Variants in POLR2F observed in about 807,000 individuals in gnomAD.
POLR2F encodes DNA-directed RNA polymerases I, II, and III subunit RPABC2.
Under a neutral mutation model 22.7 loss-of-function variants are expected in POLR2F, and 12 were observed. The ratio of observed to expected loss-of-function variants is 0.53; its 90% CI spans 0.34 to 0.86. POLR2F has a LOEUF of 0.86. Among genes scored for constraint, POLR2F ranks in the 40% least tolerant of loss-of-function variants. POLR2F has a pLI of 0.02. For synonymous variants in POLR2F, 57 were observed against 66.0 expected, an observed-to-expected ratio of 0.86 and a Z score of 0.66; for missense variants, 126 against 171.5, an observed-to-expected ratio of 0.73 and a Z score of 1.48.
At chr22:38,002,274 A>C (rs1278264726) in intron 1 of POLR2F, among the ~76,000 whole-genome samples, 1 of 152,196 alleles carries the variant, frequency 6.6e-6, no homozygotes, top group East Asian at 1.9e-4. Context: ...AAAGTATACA[A>C]AAATAGCAAC....
At chr22:38,006,666 T>C (rs2084824190) in intron 1 of POLR2F, among the ~76,000 whole-genome samples, 1 of 152,166 alleles carries the variant, frequency 6.6e-6, no homozygotes, top group South Asian at 2.1e-4. Flanking sequence ...CCTGGTCCAT[T>C]GCTCCCACAG....
downstream of POLR2F, among the ~76,000 whole-genome samples, chr22:37,971,532 T>C (rs1366116379): frequency 3.9e-5 from 6 of 152,166 alleles, no homozygotes; most frequent in Non-Finnish European, 7.4e-5. Flanking sequence ...TTTGGACTTC[T>C]GCTGAGGAAA....
chr22:38,026,446 G>T, exon 3 of POLR2F: 1 of 411,282 alleles, frequency 2.4e-6, no homozygotes, highest in Non-Finnish European at 5.1e-6. Context: ...AACACCAGGG[G>T]CTGGTCTTCA....
intron 1 of POLR2F, among the ~76,000 whole-genome samples, chr22:38,009,599 ACT>A (rs1352995090): frequency 1.2e-4 from 19 of 152,060 alleles, no homozygotes; most frequent in African/African-American, 4.6e-4. Flanking sequence ...CACACATGAA[ACT>A]CTATCACCAC....
Position 37,978,316 on chromosome 22 carries a change from G to A in POLR2F, c.293+11146G>A, listed in dbSNP as rs566335070. On this transcript the variant is annotated intron_variant, in intron 4 of 4. Coordinates refer to the POLR2F transcript ENST00000405557. The surrounding 1 kb of genome is among the most constrained non-coding windows in gnomAD (Gnocchi z 5.0). ...ATGATTTGTGGACTGAGAGATGTGA[G>A]GCCCAAGGAATAACAGCCTCAGAGG... 2.6e-5 allele frequency among the ~76,000 whole-genome samples: 4 copies of A among 152,338 alleles called. No individual in the cohort carries two copies. Among genetic ancestry groups the A allele is most frequent in the African/African-American group, 9.6e-5 (4 of 41,580 alleles).
At chr22:38,035,556 A>C (rs1432567088) in intron 5 of POLR2F, among the ~76,000 whole-genome samples, 2 of 152,032 alleles carry the variant, frequency 1.3e-5, no homozygotes, top group Non-Finnish European at 2.9e-5. Flanking sequence ...GGGGCCATGC[A>C]GCCTCCCTCT....
At position 37,999,785 on chromosome 22, in the gene POLR2F, A is replaced by T. The variant is rs150107161; in HGVS notation, c.120+13473A>T. Among the ~76,000 whole-genome samples the T allele has an allele frequency of 4.2e-3, 634 of 152,308 alleles. 2 individuals carry two copies. The highest frequency in any genetic ancestry group is 5.7e-3 in the Non-Finnish European group (387 of 68,006). Reference sequence around the variant, plus strand: ...TTTCCTCTTGAAAATGGGTCATGTCATAACTGGCAGGTTCAGAGGTAAGAG... The same window carrying T: ...TTTCCTCTTGAAAATGGGTCATGTCTTAACTGGCAGGTTCAGAGGTAAGAG... On this transcript the variant is annotated intron_variant, in intron 1 of 2. Coordinates refer to the POLR2F transcript ENST00000333418.
rs778509610 is a variant in POLR2F at position 37,959,477 on chromosome 22, G to T, written c.221+1G>T. 6.2e-7 allele frequency: 1 copy of T among 1,613,468 alleles called. No individual in the cohort carries two copies. Among genetic ancestry groups the T allele is most frequent in the Non-Finnish European group, 8.5e-7 (1 of 1,179,880 alleles). On this transcript the variant is annotated splice_donor_variant, in intron 3 of 4. Coordinates refer to ENST00000442738, the MANE Select transcript of POLR2F (RefSeq NM_021974.5). LOFTEE classifies it high-confidence loss of function. ...TGGGCACCCGAGCGCTCCAGATTGCGTGAGTGATTGCCCCTTCACTGTCTT... is the reference window on the plus strand; with the variant it reads ...TGGGCACCCGAGCGCTCCAGATTGCTTGAGTGATTGCCCCTTCACTGTCTT...
chr22:38,031,032 C>G (rs959344050), downstream of POLR2F, among the ~76,000 whole-genome samples: 2 of 151,926 alleles, frequency 1.3e-5, no homozygotes, highest in Non-Finnish European at 2.9e-5. The surrounding 1 kb of genome is among the most constrained non-coding windows in gnomAD (Gnocchi z 4.1). Context: ...TACAGACCAC[C>G]AGCACTTCAG....
chr22:38,024,643 A>C (rs779297945), intron 1 of POLR2F, among the ~76,000 whole-genome samples: 2 of 152,154 alleles, frequency 1.3e-5, no homozygotes, highest in African/African-American at 2.4e-5. Flanking sequence ...TGCCCCAGGC[A>C]GACCAGGTCT....
intron 4 of POLR2F, among the ~76,000 whole-genome samples, chr22:37,976,182 C>T (rs1932213898): frequency 6.6e-6 from 1 of 152,144 alleles, no homozygotes; most frequent in African/African-American, 2.4e-5. Flanking sequence ...AAGATGGCAC[C>T]GCTGCACTGC....
intron 4 of POLR2F, among the ~76,000 whole-genome samples, chr22:37,979,298 A>G (rs1932321298): frequency 6.6e-6 from 1 of 151,648 alleles, no homozygotes; most frequent in Non-Finnish European, 1.5e-5. Flanking sequence ...AGGTTTCACC[A>G]TATTGGCCAG....
rs532524996 is a variant in POLR2F, at chr22:37,968,190, G to A, written c.*475G>A. ...AAGGACCTGCTTCGAGCCTCTTATCGTGGGCTCGGATCCCCTTTCAGGAGC... is the reference window on the plus strand; with the variant it reads ...AAGGACCTGCTTCGAGCCTCTTATCATGGGCTCGGATCCCCTTTCAGGAGC... On this transcript the variant is annotated 3_prime_UTR_variant, in exon 5 of 5. Transcript: ENST00000442738. 9.9e-5 allele frequency: 98 copies of A among 985,464 alleles called. No individual in the cohort carries two copies. In the South Asian group the frequency reaches 1.8e-3, roughly 18 times the overall value. 61.0% of individuals were successfully genotyped at this position (985,464 alleles called of 1,614,324 possible).
chr22:38,023,319 A>G (rs981097504), intron 1 of POLR2F, among the ~76,000 whole-genome samples: 1 of 152,136 alleles, frequency 6.6e-6, no homozygotes, highest in Non-Finnish European at 1.5e-5. Flanking sequence ...TGCTTGAAGG[A>G]CGTCAGTGAT....
chr22:38,024,290 G>T (rs1390448465), intron 1 of POLR2F, among the ~76,000 whole-genome samples: 5 of 152,046 alleles, frequency 3.3e-5, no homozygotes, highest in Non-Finnish European at 7.4e-5. Context: ...TCTTTTTATG[G>T]CTGAATAATA....
rs557957576 is a variant in POLR2F at position 38,025,366 on chromosome 22, A to C, written c.121-503A>C. On this transcript the variant is annotated intron_variant, in intron 1 of 2. Coordinates refer to the POLR2F transcript ENST00000333418. ...ACACACAATCACAACGTACACACAC[A>C]CACGCACAGTCATACACAATCACAA... 2.0e-5 allele frequency among the ~76,000 whole-genome samples: 3 copies of C among 152,236 alleles called. No homozygotes were observed. The East Asian group carries it at 5.8e-4, about 29-fold the overall frequency.
chr22:38,002,294 A>T lies in POLR2F; in HGVS notation c.120+15982A>T, dbSNP rs1445088434. ...ATACAAAAATAGCAACAGAGAAATT[A>T]TTCAAAATTTTAAATGAAAAATAAA... is the stretch of plus-strand genomic sequence containing the variant. On this transcript the variant is annotated intron_variant, in intron 1 of 2. Coordinates refer to the POLR2F transcript ENST00000333418. 2.0e-5 allele frequency among the ~76,000 whole-genome samples: 3 copies of T among 152,320 alleles called. No homozygotes were observed. In the South Asian group the frequency reaches 6.2e-4, roughly 32 times the overall value.
At chr22:38,014,529 T>A (rs536229575) in intron 1 of POLR2F, among the ~76,000 whole-genome samples, 1 of 151,150 alleles carries the variant, frequency 6.6e-6, no homozygotes, top group African/African-American at 2.4e-5. Context: ...TTTTTTTTTT[T>A]TTTGAGACGG....
chr22:37,962,483 C>G, intron 3 of POLR2F, among the ~76,000 whole-genome samples: 1 of 152,258 alleles, frequency 6.6e-6, no homozygotes, highest in East Asian at 1.9e-4. Context: ...AGCCTGGTTG[C>G]ACTCCTTGCT....
Sources: allele counts gnomAD v4.1 joint callset (sites outside exome capture counted in the v4.1 genomes callset), GRCh38; gene constraint gnomAD v4.1.1; non-coding constraint Gnocchi (gnomAD v3.1); transcripts MANE v1.5; gene names NCBI Gene and HGNC (gene_info 2026-07-23, HGNC 2026-07-21).